SDK1: variants seen among roughly 807,000 people sequenced by gnomAD.
The protein encoded by SDK1 is sidekick cell adhesion molecule 1.
SDK1 carries 157 observed loss-of-function variants against 245.5 expected under a neutral mutation model. That is an observed-to-expected ratio of 0.64 (90% CI 0.56 to 0.73). SDK1 has a LOEUF of 0.73. SDK1 is among the 30% of genes least tolerant of loss of function. The pLI is 0.00. For missense variants in SDK1, 3,583 were observed against 3,002.3 expected (o/e 1.19, Z -4.52); for synonymous variants, 1,647 against 1,278.5 (o/e 1.29, Z -6.15).
intron 4 of SDK1, among the ~76,000 whole-genome samples, chr7:3,649,661 G>T (rs555372873): frequency 6.6e-6 from 1 of 152,124 alleles, no homozygotes; most frequent in African/African-American, 2.4e-5. Flanking sequence ...TAATCTTCAC[G>T]GCAGCCCAGC....
intron 1 of SDK1, chr7:3,338,464 A>C (rs1780260652): frequency 1.9e-6 from 1 of 515,344 alleles, no homozygotes; most frequent in Admixed American, 2.2e-5. Context: ...AAATGATCAG[A>C]AAAAGAAGGA....
At chr7:3,725,910 A>G (rs555189726) in intron 4 of SDK1, among the ~76,000 whole-genome samples, 18 of 152,376 alleles carry the variant, frequency 1.2e-4, no homozygotes, top group Non-Finnish European at 2.1e-4. Context: ...CTGGGTTAAA[A>G]CATGCTTACA....
At chr7:3,418,631 A>T (rs950835619) in intron 1 of SDK1, among the ~76,000 whole-genome samples, 17 of 152,318 alleles carry the variant, frequency 1.1e-4, no homozygotes, top group Admixed American at 9.1e-4. Context: ...ATCTTCCTAT[A>T]ATGGAACTGG....
At chr7:3,735,840 G>GTTAT (rs1037748879) in intron 4 of SDK1, among the ~76,000 whole-genome samples, 10 of 152,088 alleles carry the variant, frequency 6.6e-5, no homozygotes, top group Non-Finnish European at 1.2e-4. Flanking sequence ...TTGTTATTTT[G>GTTAT]TTATTTATTT....
rs1788423017 is a variant in SDK1, at chr7:4,265,666, C to T, written c.*282C>T. ...TGCAATGGCTTGGCACCTCCGGGGC[C>T]TGGGAGGACCTCAGACCTCCCCAGC... On this transcript the variant is annotated 3_prime_UTR_variant, in exon 45 of 45. Coordinates refer to ENST00000404826, the MANE Select transcript of SDK1 (RefSeq NM_152744.4). 8.3e-7 allele frequency: 1 copy of T among 1,211,898 alleles called. No homozygotes were observed. The highest frequency in any genetic ancestry group is 1.0e-6 in the Non-Finnish European group (1 of 977,672). 75.1% of individuals were successfully genotyped at this position (1,211,898 alleles called of 1,614,324 possible).
At chr7:3,947,841 A>T (rs992228714) in intron 5 of SDK1, among the ~76,000 whole-genome samples, 2 of 152,144 alleles carry the variant, frequency 1.3e-5, no homozygotes, top group Non-Finnish European at 2.9e-5. Flanking sequence ...TAAAAACAAG[A>T]CATAGCAATA....
intron 5 of SDK1, among the ~76,000 whole-genome samples, chr7:3,823,614 A>T (rs762770597): frequency 4.6e-5 from 7 of 152,210 alleles, no homozygotes; most frequent in Non-Finnish European, 8.8e-5. Context: ...ACCCTGACCG[A>T]AAAGTATATT....
At chr7:3,847,249 G>A (rs73674312) in intron 5 of SDK1, among the ~76,000 whole-genome samples, 186 of 152,138 alleles carry the variant, frequency 1.2e-3, no homozygotes, top group African/African-American at 4.4e-3. Context: ...ATGTACCATC[G>A]ACTTCATCAA....
At chr7:4,116,140 G>T (rs542282610) in intron 25 of SDK1, among the ~76,000 whole-genome samples, 32 of 152,266 alleles carry the variant, frequency 2.1e-4, no homozygotes, top group Middle Eastern at 6.8e-3. Flanking sequence ...ATAGAAGGTG[G>T]TGCCGAGGTG....
chr7:4,015,600 C>A (rs542162707), intron 16 of SDK1, among the ~76,000 whole-genome samples: 12 of 152,316 alleles, frequency 7.9e-5, no homozygotes, highest in Non-Finnish European at 1.6e-4. Flanking sequence ...CTGAACACCA[C>A]CTGAGAATTG....
chr7:4,125,148 A>G (rs1784303625), intron 25 of SDK1, among the ~76,000 whole-genome samples: 1 of 142,628 alleles, frequency 7.0e-6, no homozygotes, highest in South Asian at 2.4e-4. Flanking sequence ...GGAATGATCG[A>G]TTTATGGATG....
intron 13 of SDK1, among the ~76,000 whole-genome samples, chr7:3,980,382 G>A (rs1366123048): frequency 1.3e-5 from 2 of 152,170 alleles, no homozygotes; most frequent in African/African-American, 4.8e-5. Flanking sequence ...CAATTACAAA[G>A]TGACTCAGCA....
intron 13 of SDK1, among the ~76,000 whole-genome samples, chr7:3,985,408 A>C (rs769143555): frequency 6.6e-6 from 1 of 152,218 alleles, no homozygotes; most frequent in South Asian, 2.1e-4. Context: ...CAGGGGGAAT[A>C]GGAAATGGGG....
At chr7:3,843,278 C>T (rs765700084) in intron 5 of SDK1, among the ~76,000 whole-genome samples, 44 of 152,332 alleles carry the variant, frequency 2.9e-4, no homozygotes, top group Admixed American at 4.6e-4. Context: ...TTCTGCATAA[C>T]GTAGACTCAC....
chr7:3,955,702 T>G (rs1781205932), intron 7 of SDK1, among the ~76,000 whole-genome samples: 2 of 152,238 alleles, frequency 1.3e-5, no homozygotes, highest in South Asian at 4.1e-4. Context: ...GAAGAAGCTT[T>G]GCAACTCAGA....
chr7:3,327,826 G>A (rs1237294548), intron 1 of SDK1, among the ~76,000 whole-genome samples: 1 of 152,110 alleles, frequency 6.6e-6, no homozygotes, highest in African/African-American at 2.4e-5. Context: ...GGAATATTAT[G>A]TAATGCTGTA....
intron 44 of SDK1, among the ~76,000 whole-genome samples, chr7:4,257,738 A>G (rs1009574354): frequency 4.6e-5 from 7 of 152,216 alleles, no homozygotes; most frequent in African/African-American, 1.4e-4. Flanking sequence ...CTGTTATTAT[A>G]GAATCACCTG....
chr7:3,751,235 C>T (rs1484087081), intron 4 of SDK1, among the ~76,000 whole-genome samples: 1 of 152,164 alleles, frequency 6.6e-6, no homozygotes, highest in Non-Finnish European at 1.5e-5. Context: ...ATGAGTATTT[C>T]AGTCTTCTGA....
intron 17 of SDK1, among the ~76,000 whole-genome samples, chr7:4,020,799 G>A (rs17330921): frequency 0.016 from 2,428 of 152,200 alleles, 61 homozygotes; most frequent in African/African-American, 0.055. Flanking sequence ...ACCTGTGCCC[G>A]TTCTGAGCCT....
Sources: gnomAD v4.1 joint callset for allele counts (sites outside exome capture counted in the v4.1 genomes callset) on GRCh38, gnomAD v4.1.1 for gene constraint, MANE v1.5 for transcripts, NCBI Gene and HGNC (gene_info 2026-07-23, HGNC 2026-07-21) for gene names.